Variants in FBN1 observed in about 807,000 individuals in gnomAD.
FBN1 encodes the protein fibrillin-1.
A neutral mutation model predicts 365.1 loss-of-function variants in FBN1; 29 were observed. The ratio of observed to expected loss-of-function variants is 0.08; its 90% CI spans 0.06 to 0.11. FBN1 has a LOEUF of 0.11. Among genes scored for constraint, FBN1 ranks in the 10% least tolerant of loss-of-function variants. FBN1 has a pLI of 1.00. For missense variants in FBN1, 2,476 were observed against 3,703.2 expected (o/e 0.67, Z 8.60); for synonymous variants, 1,210 against 1,270.5 (o/e 0.95, Z 1.01).
chr15:48,640,992 C>A (rs931382820), intron 2 of FBN1: 2 of 151,598 alleles, frequency 1.3e-5, no homozygotes, highest in South Asian at 2.1e-4. Flanking sequence ...AAACAAATAG[C>A]GTTATGATTT....
intron 56 of FBN1, 96 bp from the exon 57 acceptor site, chr15:48,428,567 C>T (rs1470281250): frequency 2.2e-6 from 3 of 1,351,294 alleles, no homozygotes; most frequent in Non-Finnish European, 3.2e-6. Context: ...TTCCTCCCTC[C>T]CTCCTTCCCT....
intron 2 of FBN1, among the ~76,000 whole-genome samples, chr15:48,621,740 G>A (rs1411339689): frequency 3.3e-5 from 5 of 152,050 alleles, no homozygotes; most frequent in Non-Finnish European, 7.4e-5. Flanking sequence ...TGTAATCCCA[G>A]TACTTTCGGA....
intron 26 of FBN1, 46 bp downstream of exon 26, chr15:48,488,318 GAGTT>G: frequency 6.3e-7 from 1 of 1,581,302 alleles, no homozygotes; most frequent in Non-Finnish European, 8.7e-7. Flanking sequence ...TAAAGATAAA[GAGTT>G]TTAAAGGACG....
intron 44 of FBN1, 126 bp downstream of exon 44, chr15:48,456,511 C>T: frequency 1.0e-6 from 1 of 973,566 alleles, no homozygotes; most frequent in South Asian, 1.3e-5. Context: ...CCACACCATG[C>T]CCTTTACTAT....
At chr15:48,449,798 C>T (rs201595338) in intron 45 of FBN1, among the ~76,000 whole-genome samples, 3 of 152,290 alleles carry the variant, frequency 2.0e-5, no homozygotes, top group East Asian at 3.9e-4. Flanking sequence ...GATGGCATTT[C>T]GCTCTTAGTT....
In FBN1 at chr15:48,495,500, A is replaced by T. The variant is rs193922190; in HGVS notation, c.2508T>A (p.Ser836Arg). The T allele has an allele frequency of 6.8e-6, 11 of 1,614,006 alleles. No individual in the cohort carries two copies. The highest frequency in any genetic ancestry group is 9.3e-6 in the Non-Finnish European group (11 of 1,180,010). ...GSFICECSSESTLDPTKTICI... is the reference protein window; with the variant it reads ...GSFICECSSERTLDPTKTICI... ...AGATGGTTTTTGTTGGATCCAAAGT[A>T]CTTTCAGAAGAACATTCACAAATAA... is the stretch of plus-strand genomic sequence containing the variant. The change falls in exon 21 of 66, where the codon AGT (serine) becomes AGA (arginine). Residue 836 changes from serine to arginine, a missense_variant. Transcript: ENST00000316623.
chr15:48,418,161 A>C (rs916224400), intron 63 of FBN1, among the ~76,000 whole-genome samples: 3 of 152,356 alleles, frequency 2.0e-5, no homozygotes, highest in African/African-American at 4.8e-5. Context: ...AAAGCTGTCT[A>C]TACATAGATT....
In FBN1 at chr15:48,492,545, C is replaced by T; in HGVS notation, c.2770G>A (p.Gly924Ser). 1 of 1,611,080 alleles carries T rather than the reference C, an allele frequency of 6.2e-7. No homozygotes were observed. The highest frequency in any genetic ancestry group is 8.5e-7 in the Non-Finnish European group (1 of 1,177,522). The change falls in exon 24 of 66, where the codon GGC (glycine) becomes AGC (serine). Residue 924 changes from glycine (G) to serine (S), a missense_variant. This residue lies in a region of FBN1 where 1,780 missense variants were observed against 2,840.8 expected (regional missense o/e 0.63). Coordinates refer to ENST00000316623, the MANE Select transcript of FBN1 (RefSeq NM_000138.5). ...GACCCCCTAGTGTTAACACACAGGC[C>T]ATTTTTACACACTCCTGGGAACACT... is the stretch of plus-strand genomic sequence containing the variant. ...CEVFPGVCKN[G>S]LCVNTRGSFK...
intron 2 of FBN1, among the ~76,000 whole-genome samples, chr15:48,614,866 C>T (rs1018995557): frequency 4.6e-5 from 7 of 152,050 alleles, no homozygotes; most frequent in African/African-American, 1.5e-4. Context: ...CATCTTCTGA[C>T]CCAGGTTACT....
intron 6 of FBN1, among the ~76,000 whole-genome samples, chr15:48,582,137 C>T (rs957895188): frequency 6.6e-6 from 1 of 152,194 alleles, no homozygotes; most frequent in Non-Finnish European, 1.5e-5. Flanking sequence ...CTAAAAAGTA[C>T]AGATGGTAGA....
Position 48,637,963 on chromosome 15 carries a change from C to A in FBN1, c.164+6643G>T, listed in dbSNP as rs73396376. On this transcript the variant is annotated intron_variant, in intron 2 of 65. Transcript: ENST00000316623. ...CATACATAATAAGTAAATAAACAGG[C>A]ATGGATTTGTTTCAATAAAACTCTA... is the stretch of plus-strand genomic sequence containing the variant. Among the ~76,000 whole-genome samples the A allele has an allele frequency of 7.3e-3, 1,103 of 152,122 alleles. 13 individuals are homozygous for A. Among genetic ancestry groups the A allele is most frequent in the African/African-American group, 0.026 (1,060 of 41,492 alleles).
chr15:48,584,300 G>T (rs2044419302), intron 6 of FBN1, among the ~76,000 whole-genome samples: 1 of 152,126 alleles, frequency 6.6e-6, no homozygotes, highest in African/African-American at 2.4e-5. Context: ...CACCAATCCA[G>T]CAAGTAGCAA....
chr15:48,493,544 G>T (rs1295474676), intron 23 of FBN1, among the ~76,000 whole-genome samples: 1 of 152,152 alleles, frequency 6.6e-6, no homozygotes, highest in African/African-American at 2.4e-5. Context: ...TTAACAGCGG[G>T]TCTGGACCAG....
At chr15:48,453,294 C>CAAAAAAAAAAAAAAAAAAAAAAAAAAA (rs60566317) in intron 44 of FBN1, among the ~76,000 whole-genome samples, 1 of 58,464 alleles carries the variant, frequency 1.7e-5, no homozygotes, top group Non-Finnish European at 4.5e-5. Flanking sequence ...ATAAAACAAA[C>CAAAAAAAAAAAAAAAAAAAAAAAAAAA]AAAAAAAAAA....
At chr15:48,601,268 C>T (rs2044564512) in intron 4 of FBN1, among the ~76,000 whole-genome samples, 1 of 152,214 alleles carries the variant, frequency 6.6e-6, no homozygotes, top group Non-Finnish European at 1.5e-5. Flanking sequence ...GCTCTCATTT[C>T]TCCAGTGTTC....
chr15:48,411,623 A>T (rs1221736234), intron 65 of FBN1, among the ~76,000 whole-genome samples: 1 of 152,256 alleles, frequency 6.6e-6, no homozygotes, highest in Non-Finnish European at 1.5e-5. Flanking sequence ...TGGAGGTCTC[A>T]AAATGTAGTC....
At chr15:48,443,537 A>G (rs1344414541) in intron 49 of FBN1, among the ~76,000 whole-genome samples, 1 of 152,218 alleles carries the variant, frequency 6.6e-6, no homozygotes, top group Non-Finnish European at 1.5e-5. Context: ...GACAATTTCA[A>G]TAAGGTGTTT....
chr15:48,429,089 A>T lies in FBN1; in HGVS notation c.6872-618T>A, dbSNP rs141721147. 6.7e-4 allele frequency among the ~76,000 whole-genome samples: 102 copies of T among 152,374 alleles called. 2 individuals carry two copies. In the East Asian group the frequency reaches 0.019, roughly 29 times the overall value. On this transcript the variant is annotated intron_variant, in intron 56 of 65. Transcript: ENST00000316623. Reference sequence around the variant, plus strand: ...TTTTATATACTTAAACATAGATGGTAGCATTTTATGCACACTTACATTTTT... The same window carrying T: ...TTTTATATACTTAAACATAGATGGTTGCATTTTATGCACACTTACATTTTT...
Position 48,425,803 on chromosome 15 carries a change from T to C in FBN1, c.7266A>G (p.Arg2422=), listed in dbSNP as rs532737688. The change falls in exon 59 of 66, where the codon AGA becomes AGG. Residue 2422 remains arginine (R), a synonymous_variant. Transcript: ENST00000316623. ...TTTTACAAATGCAATGATATGATCC[T>C]CTGTCATTGACACATTCCCCATTTC... ...VCRNGECVND[R]GSYHCICKTG... is the part of the protein sequence containing the mutation. 17 of 1,609,156 alleles carry C rather than the reference T, an allele frequency of 1.1e-5. No individual in the cohort carries two copies. In the African/African-American group the frequency reaches 2.1e-4, roughly 20 times the overall value.
Sources: allele counts gnomAD v4.1 joint callset (sites outside exome capture counted in the v4.1 genomes callset), GRCh38; gene constraint gnomAD v4.1.1; regional missense constraint gnomAD v4.1.1; transcripts MANE v1.5; gene names NCBI Gene and HGNC (gene_info 2026-07-23, HGNC 2026-07-21).